Variants in FAM117A observed in about 807,000 individuals in gnomAD.
FAM117A encodes the protein protein FAM117A.
FAM117A carries 21 observed loss-of-function variants against 44.1 expected under a neutral mutation model. The ratio of observed to expected loss-of-function variants is 0.48; its 90% confidence interval spans 0.34 to 0.69. FAM117A has a LOEUF of 0.69. FAM117A is among the 30% of genes least tolerant of loss of function. The pLI is 0.01. For missense variants in FAM117A, 498 were observed against 589.9 expected (o/e 0.84, Z 1.61); for synonymous variants, 220 against 238.3 (o/e 0.92, Z 0.71).
At chr17:49,724,822 G>GAAAAAAAA (rs906558600) in intron 2 of FAM117A, among the ~76,000 whole-genome samples, 6 of 42,946 alleles carry the variant, frequency 1.4e-4, no homozygotes, top group Non-Finnish European at 2.8e-4. Flanking sequence ...ACAGTCTCAA[G>GAAAAAAAA]AAAAAAAAAA....
intron 1 of FAM117A, among the ~76,000 whole-genome samples, chr17:49,735,943 C>A (rs191567905): frequency 1.2e-3 from 189 of 152,204 alleles, no homozygotes; most frequent in African/African-American, 4.4e-3. Flanking sequence ...ATAACTACAA[C>A]AGTAGTAAGT....
chr17:49,722,807 C>A (rs1316105440), intron 2 of FAM117A, among the ~76,000 whole-genome samples: 1 of 152,160 alleles, frequency 6.6e-6, no homozygotes, highest in African/African-American at 2.4e-5. Context: ...TCCCTGATGA[C>A]CCAACAGGGC....
chr17:49,723,754 C>T (rs982744595), intron 2 of FAM117A, among the ~76,000 whole-genome samples: 1 of 151,938 alleles, frequency 6.6e-6, no homozygotes, highest in Admixed American at 6.6e-5. Flanking sequence ...AGCAGACGGC[C>T]GTATGTGACA....
chr17:49,732,752 A>C, intron 1 of FAM117A, 32 bp from the exon 2 acceptor site: 1 of 1,602,106 alleles, frequency 6.2e-7, no homozygotes, highest in Non-Finnish European at 8.5e-7. Context: ...ACGCCTTGCC[A>C]TCAGCATGGA....
At chr17:49,779,573 ACT>A (rs2073784080) in intron 1 of FAM117A, among the ~76,000 whole-genome samples, 1 of 151,988 alleles carries the variant, frequency 6.6e-6, no homozygotes, top group African/African-American at 2.4e-5. Flanking sequence ...TTCCTAGATA[ACT>A]CTATCATGTG....
At chr17:49,719,930 C>T (rs1307133021) in intron 4 of FAM117A, 36 bp from the exon 5 acceptor site, 1 of 1,586,608 alleles carries the variant, frequency 6.3e-7, no homozygotes. Context: ...CACACACAGC[C>T]CCACCAGGCC....
chr17:49,773,642 T>C (rs891977053), intron 1 of FAM117A, among the ~76,000 whole-genome samples: 1 of 152,184 alleles, frequency 6.6e-6, no homozygotes, highest in Non-Finnish European at 1.5e-5. Flanking sequence ...TAGCTTCAAA[T>C]TAGACCTCGC....
At chr17:49,736,185 T>C (rs2073609703) in intron 1 of FAM117A, among the ~76,000 whole-genome samples, 1 of 152,206 alleles carries the variant, frequency 6.6e-6, no homozygotes, top group Non-Finnish European at 1.5e-5. Context: ...TCCAAATCAA[T>C]ATATATTGAC....
chr17:49,729,426 G>A (rs1381172347), intron 2 of FAM117A, among the ~76,000 whole-genome samples: 3 of 151,596 alleles, frequency 2.0e-5, no homozygotes, highest in Non-Finnish European at 4.4e-5. Context: ...AGAAGAGAAA[G>A]GGCAAAAGGT....
At chr17:49,729,501 GTCT>G (rs1287753449) in intron 2 of FAM117A, among the ~76,000 whole-genome samples, 1 of 111,932 alleles carries the variant, frequency 8.9e-6, no homozygotes, top group African/African-American at 3.4e-5. Context: ...TCTGGCATCA[GTCT>G]TTTTTTTTTT....
intron 7 of FAM117A, among the ~76,000 whole-genome samples, chr17:49,714,749 C>A (rs541205946): frequency 6.6e-6 from 1 of 151,540 alleles, no homozygotes; most frequent in Non-Finnish European, 1.5e-5. Context: ...CAGGTTCAAG[C>A]GATTCTCCTG....
At chr17:49,780,640 G>C (rs1269338592) in intron 1 of FAM117A, among the ~76,000 whole-genome samples, 1 of 152,140 alleles carries the variant, frequency 6.6e-6, no homozygotes, top group African/African-American at 2.4e-5. Flanking sequence ...AAAAGTGCTG[G>C]GACTACAGGC....
At chr17:49,760,559 G>A (rs775213804) in intron 1 of FAM117A, among the ~76,000 whole-genome samples, 5 of 152,210 alleles carry the variant, frequency 3.3e-5, no homozygotes, top group Non-Finnish European at 7.3e-5. Flanking sequence ...CCTGGTTAAA[G>A]AAGGTTCTGG....
chr17:49,758,621 CAAAAA>C (rs1182238605), intron 1 of FAM117A, among the ~76,000 whole-genome samples: 1,273 of 93,838 alleles, frequency 0.014, 24 homozygotes, highest in Admixed American at 0.028. Flanking sequence ...GAGACTGTCT[CAAAAA>C]AAAAAAAAAA....
chr17:49,724,196 G>A (rs2073548573), intron 2 of FAM117A, among the ~76,000 whole-genome samples: 1 of 152,098 alleles, frequency 6.6e-6, no homozygotes, highest in African/African-American at 2.4e-5. Flanking sequence ...CCTCGACCCA[G>A]CAGACACACA....
intron 5 of FAM117A, 58 bp downstream of exon 5, chr17:49,719,702 C>T (rs1309681013): frequency 7.4e-6 from 11 of 1,481,194 alleles, no homozygotes; most frequent in East Asian, 2.5e-5. Flanking sequence ...CAGTTCCCCT[C>T]GCCCAGGCCA....
intron 1 of FAM117A, among the ~76,000 whole-genome samples, chr17:49,762,156 T>C (rs1334087316): frequency 6.6e-6 from 1 of 152,210 alleles, no homozygotes; most frequent in African/African-American, 2.4e-5. Flanking sequence ...TTAATATTAG[T>C]TCTATAATAG....
chr17:49,740,308 C>T (rs943094800), intron 1 of FAM117A, among the ~76,000 whole-genome samples: 1 of 151,142 alleles, frequency 6.6e-6, no homozygotes, highest in Admixed American at 6.6e-5. Flanking sequence ...AGTGCAGTGG[C>T]GCGATCTCGG....
At chr17:49,737,935 G>A (rs1411336980) in intron 1 of FAM117A, among the ~76,000 whole-genome samples, 2 of 152,194 alleles carry the variant, frequency 1.3e-5, no homozygotes, top group African/African-American at 4.8e-5. Flanking sequence ...AGGCTGCTGG[G>A]ACACCTGCCT....
Sources: allele counts gnomAD v4.1 joint callset (sites outside exome capture counted in the v4.1 genomes callset), GRCh38; gene constraint gnomAD v4.1.1; transcripts MANE v1.5; gene names NCBI Gene and HGNC (gene_info 2026-07-23, HGNC 2026-07-21).